EPS8L2: variants seen among roughly 807,000 people sequenced by gnomAD.
EPS8L2 encodes the protein epidermal growth factor receptor kinase substrate 8-like protein 2.
In EPS8L2, 81 loss-of-function variants were observed where a neutral mutation model predicts 99.4. The ratio of observed to expected loss-of-function variants is 0.82; its 90% confidence interval spans 0.68 to 0.98. The LOEUF (loss-of-function observed/expected upper bound fraction) is 0.98. EPS8L2 is among the 50% of genes least tolerant of loss of function. The probability of loss-of-function intolerance (pLI) is 0.00; values close to 1 mark genes in which losing one functional copy is unlikely to be tolerated. For missense variants in EPS8L2, 1,155 were observed against 968.8 expected, an observed-to-expected ratio of 1.19 and a Z score of -2.55; for synonymous variants, 509 against 407.3, an observed-to-expected ratio of 1.25 and a Z score of -3.01.
intron 8 of EPS8L2, 36 bp downstream of exon 8, chr11:721,242 CGTT>C: frequency 6.5e-7 from 1 of 1,536,816 alleles, no homozygotes; most frequent in Non-Finnish European, 8.7e-7. Context: ...CCACAGGGCT[CGTT>C]GTGGGGGGCT....
At chr11:726,265 G>A in intron 18 of EPS8L2, 39 bp from the exon 19 acceptor site, 1 of 1,586,380 alleles carries the variant, frequency 6.3e-7, no homozygotes, top group South Asian at 1.1e-5. Context: ...CGGGGGCAGG[G>A]GCAAGGCAGC....
At chr11:719,002 G>A (rs1233549635) in intron 4 of EPS8L2, among the ~76,000 whole-genome samples, 4 of 137,562 alleles carry the variant, frequency 2.9e-5, no homozygotes, top group Non-Finnish European at 6.1e-5. Flanking sequence ...GTCTTCCTCT[G>A]TTGCCCAGCC....
In EPS8L2 at chr11:721,546, T is replaced by C; in HGVS notation, c.769-19T>C. 6.5e-7 allele frequency: 1 copy of C among 1,531,948 alleles called. No homozygotes were observed. The highest frequency in any genetic ancestry group is 2.3e-5 in the East Asian group (1 of 44,066). The allele number at this position is 1,531,948 out of a possible 1,614,324, so 94.9% of individuals were successfully genotyped here. The stretch of plus-strand genomic sequence containing the variant: ...GTGGGGAGTGTCAGGGGCTGACCCC[T>C]GACCCCCTCTGACCCCAGCAAATCC... On this transcript the variant is annotated intron_variant, in intron 9 of 20. Transcript: ENST00000318562.
chr11:709,956 TCTGCCCTTCCCCAGAGACGACC>T (rs1436020996), intron 3 of EPS8L2: 1 of 431,194 alleles, frequency 2.3e-6, no homozygotes. Flanking sequence ...CTCCCCCCAC[TCTGCCCTTCCCCAGAGACGACC>T]CTGCCCTCTC....
In EPS8L2 at chr11:721,939, A is replaced by C. The variant is rs1163722155; in HGVS notation, c.932A>C (p.Glu311Ala). Residue 311 changes from glutamate (E) to alanine (A), a missense_variant, in exon 11 of 21, where the codon GAG becomes GCG. By Grantham distance (107) the Glu-to-Ala change is moderately radical. Coordinates refer to ENST00000318562, the MANE Select transcript of EPS8L2 (RefSeq NM_022772.4). ...VLTLRARPPSEGEFIDCFQKI... is the reference protein window; with the variant it reads ...VLTLRARPPSAGEFIDCFQKI... ...ACACTGCGGGCACGGCCCCCCTCTG[A>C]GGGCGAGTTCATCGACTGCTTCCAG... is the stretch of plus-strand genomic sequence containing the variant. The C allele has an allele frequency of 1.3e-6, 2 of 1,599,890 alleles. No individual in the cohort carries two copies. Among genetic ancestry groups the C allele is most frequent in the Non-Finnish European group, 1.7e-6 (2 of 1,173,624 alleles).
chr11:723,097 T>A, intron 14 of EPS8L2, 144 bp from the exon 15 acceptor site: 1 of 515,664 alleles, frequency 1.9e-6, no homozygotes, highest in East Asian at 3.7e-5. Flanking sequence ...AGGCAACCCA[T>A]GCTGGCATCA....
At chr11:715,611 T>C (rs1387388519) in intron 4 of EPS8L2, among the ~76,000 whole-genome samples, 5 of 150,320 alleles carry the variant, frequency 3.3e-5, no homozygotes, top group South Asian at 2.1e-4. Context: ...CTTTATCTTT[T>C]TCTTTTGTTT....
intron 4 of EPS8L2, 58 bp from the exon 5 acceptor site, chr11:720,004 G>T: frequency 2.6e-6 from 4 of 1,534,934 alleles, no homozygotes; most frequent in Non-Finnish European, 3.5e-6. Context: ...GCCCCTGGGG[G>T]CTGGGCTTTC....
intron 4 of EPS8L2, among the ~76,000 whole-genome samples, chr11:712,429 C>T (rs1861915861): frequency 6.7e-6 from 1 of 148,664 alleles, no homozygotes; most frequent in African/African-American, 2.5e-5. Context: ...AGCCTGGGTG[C>T]GAGCTGGGCT....
chr11:711,265 C>CGT (rs1184874422), intron 4 of EPS8L2, among the ~76,000 whole-genome samples: 11 of 123,792 alleles, frequency 8.9e-5, no homozygotes, highest in East Asian at 4.6e-4. Flanking sequence ...TGTGTGCGTG[C>CGT]GTGCGTGTGT....
At chr11:708,583 C>G (rs1376814460) in intron 1 of EPS8L2, 1 of 152,340 alleles carries the variant, frequency 6.6e-6, no homozygotes, top group Admixed American at 6.5e-5. Context: ...AGTCCCTCCC[C>G]TAGGCTTGGC....
In EPS8L2 at chr11:726,112, C is replaced by T. The variant is rs1313637150; in HGVS notation, c.1695C>T (p.Tyr565=). The change falls in exon 18 of 21, where the codon TAC becomes TAT. Residue 565 remains tyrosine, a synonymous_variant. Transcript: ENST00000318562. The part of the protein sequence containing the change: ...GAPFEQAGQK[Y]WGPASPTHKL... ...CGCCCCCGCAGGCCGGTCAGAAGTA[C>T]TGGGGCCCCGCCAGCCCGACCCACA... 2 of 1,602,424 alleles carry T rather than the reference C, an allele frequency of 1.2e-6. No individual in the cohort carries two copies. Among genetic ancestry groups the T allele is most frequent in the East Asian group, 2.2e-5 (1 of 44,460 alleles).
At chr11:725,879 C>CT in intron 17 of EPS8L2, 32 bp downstream of exon 17, 1 of 1,366,200 alleles carries the variant, frequency 7.3e-7, no homozygotes, top group Non-Finnish European at 9.4e-7. Flanking sequence ...GGGTCGCAGC[C>CT]CCCAGCTTCC....
At position 709,381 on chromosome 11, in the gene EPS8L2, C is replaced by T. The variant is rs902783319; in HGVS notation, c.-27C>T. The T allele has an allele frequency of 1.9e-6, 3 of 1,564,330 alleles. No homozygotes were observed. The South Asian group carries it at 3.5e-5, about 18-fold the overall frequency. On this transcript the variant is annotated 5_prime_UTR_variant, in exon 2 of 21. Transcript: ENST00000318562. ...CGGGGCCACACTGAGGTCTGCCCTT[C>T]TCCCGCTGGCCGCCACCCAAGACAC...
In EPS8L2 at chr11:722,873, C is replaced by G. The variant is rs567179142; in HGVS notation, c.1341+68C>G. 265 of 1,074,784 alleles carry G rather than the reference C, an allele frequency of 2.5e-4. 3 individuals are homozygous for G. The East Asian group carries it at 6.8e-3, about 27-fold the overall frequency. 66.6% of individuals were successfully genotyped at this position (1,074,784 alleles called of 1,614,324 possible). On this transcript the variant is annotated intron_variant, in intron 14 of 20. Coordinates refer to ENST00000318562, the MANE Select transcript of EPS8L2 (RefSeq NM_022772.4). ...CCCACTCCTCACCAGAGCTCCCCCC[C>G]AGCCCTGACACCCACCCCTCCCCAG... is the stretch of plus-strand genomic sequence containing the variant.
intron 4 of EPS8L2, among the ~76,000 whole-genome samples, chr11:714,971 G>A (rs1436545248): frequency 4.6e-5 from 7 of 152,092 alleles, no homozygotes; most frequent in African/African-American, 9.7e-5. Flanking sequence ...GGCCGGGCGC[G>A]GTGGCTCATG....
Position 721,316 on chromosome 11 carries a change from G to C in EPS8L2, c.732G>C (p.Pro244=), listed in dbSNP as rs756626770. 6.5e-7 allele frequency: 1 copy of C among 1,539,776 alleles called. No homozygotes were observed. Among genetic ancestry groups the C allele is most frequent in the Non-Finnish European group, 8.7e-7 (1 of 1,146,694 alleles). ...GCCGTCGGGAGTCGCAGGAGGAGCC[G>C]CGGGCCGTGCTGGCTCAGAAGATAG... ...GFRRRESQEE[P]RAVLAQKIEK... is the part of the protein sequence containing the mutation. Residue 244 remains proline (P), a synonymous_variant, in exon 9 of 21, where the codon CCG becomes CCC. Transcript: ENST00000318562.
chr11:724,597 G>T lies in EPS8L2; in HGVS notation c.1455-127G>T. 1 of 665,666 alleles carries T rather than the reference G, an allele frequency of 1.5e-6. No homozygotes were observed. The highest frequency in any genetic ancestry group is 2.3e-5 in the Admixed American group (1 of 42,714). 41.2% of individuals were successfully genotyped at this position (665,666 alleles called of 1,614,324 possible). A position where few individuals can be genotyped will look rare whatever the true frequency, so the allele number is the denominator to read the frequency against. Reference sequence around the variant, plus strand: ...GACGCTGCCTGCAGCCTCTCTCCACGGTGACCTCCAGAACAGAAAAGAGGC... The same window carrying T: ...GACGCTGCCTGCAGCCTCTCTCCACTGTGACCTCCAGAACAGAAAAGAGGC... On this transcript the variant is annotated intron_variant, in intron 15 of 20. Transcript: ENST00000318562. This position sits in a 1 kb window ranked among gnomAD's most constrained non-coding sequence, Gnocchi z 5.5.
intron 4 of EPS8L2, among the ~76,000 whole-genome samples, chr11:711,320 CTCTG>C (rs1365843366): frequency 2.6e-5 from 4 of 151,894 alleles, no homozygotes; most frequent in African/African-American, 7.3e-5. Context: ...TTCTCTCTCT[CTCTG>C]TCTCTCTCTT....
Sources: gnomAD v4.1 joint callset for allele counts (sites outside exome capture counted in the v4.1 genomes callset) on GRCh38, gnomAD v4.1.1 for gene constraint, Gnocchi (gnomAD v3.1) non-coding constraint, MANE v1.5 for transcripts, NCBI Gene and HGNC (gene_info 2026-07-23, HGNC 2026-07-21) for gene names.